Variants in PRH1 observed in about 807,000 individuals in gnomAD.
The protein encoded by PRH1 is proline rich protein HaeIII subfamily 1.
In PRH1, 7 loss-of-function variants were observed where a neutral mutation model predicts 7.9. The observed-to-expected ratio is 0.89, with a 90% CI of 0.50 to 1.67. PRH1 has a LOEUF of 1.67. Among genes scored for constraint, PRH1 ranks in the 40% most tolerant of loss-of-function variants. PRH1 has a pLI of 0.00. For missense variants in PRH1, 109 were observed against 223.6 expected, an observed-to-expected ratio of 0.49 and a Z score of 3.27; for synonymous variants, 45 against 80.8, an observed-to-expected ratio of 0.56 and a Z score of 2.38.
chr12:11,067,654 G>C (rs1216365115), intron 1 of PRH1, among the ~76,000 whole-genome samples: 1 of 152,196 alleles, frequency 6.6e-6, no homozygotes, highest in Non-Finnish European at 1.5e-5. Flanking sequence ...CTGAGCACAG[G>C]AGTTCAAGTC....
chr12:11,168,389 AAAGAAAGAAAGAAAG>A, intron 1 of PRH1, among the ~76,000 whole-genome samples: 1 of 7,130 alleles, frequency 1.4e-4, no homozygotes, highest in South Asian at 0.016. Context: ...AGAAAGAAAG[AAAGAAAGAAAGAAAG>A]AAAGAAAGAA....
intron 1 of PRH1, chr12:11,133,052 T>G: frequency 2.2e-6 from 1 of 451,980 alleles, no homozygotes; most frequent in Non-Finnish European, 3.7e-6. Flanking sequence ...TCATATTTTC[T>G]ATAATTTGGC....
intron 1 of PRH1, among the ~76,000 whole-genome samples, chr12:11,012,876 A>G (rs1430036038): frequency 6.6e-6 from 1 of 152,148 alleles, no homozygotes; most frequent in Non-Finnish European, 1.5e-5. Flanking sequence ...TTTTGAGCAG[A>G]ATACAGAAGG....
chr12:10,979,743 G>C (rs556027457), intron 1 of PRH1, among the ~76,000 whole-genome samples: 175 of 152,304 alleles, frequency 1.1e-3, no homozygotes, highest in African/African-American at 3.9e-3. Context: ...ATTTAGATGA[G>C]TATGGCAGAA....
chr12:11,061,967 T>G, intron 1 of PRH1: 1 of 1,613,974 alleles, frequency 6.2e-7, no homozygotes, highest in Non-Finnish European at 8.5e-7. Context: ...AAATTGGCAA[T>G]CTTGAGCAAA....
At chr12:11,030,533 C>A (rs750909945) in intron 1 of PRH1, 3 of 1,614,084 alleles carry the variant, frequency 1.9e-6, no homozygotes, top group Non-Finnish European at 1.7e-6. Flanking sequence ...ATAGCTGAAT[C>A]TAATAGCTTT....
intron 1 of PRH1, among the ~76,000 whole-genome samples, chr12:11,068,767 T>G (rs1411029483): frequency 1.3e-5 from 2 of 152,336 alleles, no homozygotes; most frequent in African/African-American, 4.8e-5. Flanking sequence ...ATCCCCTGCA[T>G]AGTAATCTAT....
chr12:11,151,023 A>G lies in PRH1; in HGVS notation n.39+20399T>C, dbSNP rs539327456. 5.6e-4 allele frequency among the ~76,000 whole-genome samples: 85 copies of G among 152,304 alleles called. No homozygotes were observed. The Middle Eastern group carries it at 0.014, about 24-fold the overall frequency. The stretch of plus-strand genomic sequence containing the variant: ...GTGACAGGCCTTTGAAACTGGAGTC[A>G]TATCATTCTGATACTCTGCCTCTTG... On this transcript the variant is annotated intron_variant and non_coding_transcript_variant, in intron 1 of 1. Transcript: ENST00000541175.
In PRH1 at chr12:11,076,150, A is replaced by T. The variant is rs1158353045; in HGVS notation, n.124-28962T>A. ...TACATAACAATGTTAAAATCTCATA[A>T]CACCAAGAATTAACACAGTCATGCA... On this transcript the variant is annotated intron_variant and non_coding_transcript_variant, in intron 1 of 4. Transcript: ENST00000541977. Among the ~76,000 whole-genome samples the T allele has an allele frequency of 5.1e-4, 62 of 121,216 alleles. 16 individuals carry two copies. Among genetic ancestry groups the T allele is most frequent in the African/African-American group, 1.7e-3 (61 of 35,848 alleles). 79.5% of individuals were successfully genotyped at this position (121,216 alleles called of 152,430 possible).
intron 1 of PRH1, among the ~76,000 whole-genome samples, chr12:11,128,553 TG>T (rs1946215231): frequency 6.6e-6 from 1 of 152,176 alleles, no homozygotes; most frequent in African/African-American, 2.4e-5. Flanking sequence ...AAATCCAGCA[TG>T]GCCAACATGG....
At chr12:11,017,778 C>A (rs1456381299) in intron 1 of PRH1, among the ~76,000 whole-genome samples, 1 of 152,110 alleles carries the variant, frequency 6.6e-6, no homozygotes, top group East Asian at 1.9e-4. Flanking sequence ...CAGGCGTGAA[C>A]CACCATGCCG....
At chr12:11,125,832 T>C (rs1400217042) in intron 1 of PRH1, among the ~76,000 whole-genome samples, 1 of 152,238 alleles carries the variant, frequency 6.6e-6, no homozygotes, top group African/African-American at 2.4e-5. Context: ...TGTTTCAAAA[T>C]AAGAATAACA....
chr12:10,997,969 T>A (rs780829310), intron 1 of PRH1: 2 of 746,712 alleles, frequency 2.7e-6, no homozygotes, highest in Non-Finnish European at 4.3e-6. Flanking sequence ...ATGCACTTGA[T>A]TCCTGAATGT....
chr12:10,930,908 G>A, intron 2 of PRH1: 3 of 1,609,936 alleles, frequency 1.9e-6, no homozygotes, highest in South Asian at 1.1e-5. Flanking sequence ...CAACAGGGAG[G>A]CCATCCCCGT....
chr12:11,119,131 G>C (rs561169114), downstream of PRH1, among the ~76,000 whole-genome samples: 4 of 151,962 alleles, frequency 2.6e-5, no homozygotes, highest in Admixed American at 2.6e-4. Flanking sequence ...ATTATGTTAA[G>C]TTGAATAAGT....
chr12:11,128,710 A>G (rs931983137), intron 1 of PRH1, among the ~76,000 whole-genome samples: 1 of 152,188 alleles, frequency 6.6e-6, no homozygotes, highest in East Asian at 1.9e-4. Flanking sequence ...ACGCCACTGC[A>G]CTCTAGCCTG....
At chr12:11,167,710 T>G (rs1947623216) in intron 1 of PRH1, among the ~76,000 whole-genome samples, 1 of 152,154 alleles carries the variant, frequency 6.6e-6, no homozygotes, top group Admixed American at 6.5e-5. Context: ...CCTCCCAAAG[T>G]GCTAAAATTC....
intron 2 of PRH1, chr12:10,973,365 T>C (rs1938926163): frequency 3.7e-6 from 1 of 266,786 alleles, no homozygotes; most frequent in Admixed American, 5.2e-5. Context: ...TCAGTTTTGA[T>C]AATATAATTG....
At chr12:11,157,472 T>C (rs943259475) in intron 1 of PRH1, among the ~76,000 whole-genome samples, 7 of 152,246 alleles carry the variant, frequency 4.6e-5, no homozygotes, top group Admixed American at 4.6e-4. Flanking sequence ...TTTGGTTCAT[T>C]GACTTTTAAA....
Sources: allele counts gnomAD v4.1 joint callset (sites outside exome capture counted in the v4.1 genomes callset), GRCh38; gene constraint gnomAD v4.1.1; transcripts MANE v1.5; gene names NCBI Gene and HGNC (gene_info 2026-07-23, HGNC 2026-07-21).